PTPRT: variants seen among roughly 807,000 people sequenced by gnomAD.
PTPRT encodes the protein receptor-type tyrosine-protein phosphatase T.
PTPRT carries 56 observed loss-of-function variants against 176.8 expected under a neutral mutation model. The observed-to-expected ratio is 0.32, with a 90% confidence interval of 0.26 to 0.40. The LOEUF is 0.40. PTPRT is among the 10% of genes least tolerant of loss of function. The probability of loss-of-function intolerance (pLI) is 1.00; values close to 1 mark genes in which losing one functional copy is unlikely to be tolerated. For missense variants in PTPRT, 1,540 were observed against 1,908.2 expected, an observed-to-expected ratio of 0.81 and a Z score of 3.60; for synonymous variants, 783 against 739.0, an observed-to-expected ratio of 1.06 and a Z score of -0.96.
intron 1 of PTPRT, among the ~76,000 whole-genome samples, chr20:43,066,825 G>A (rs1024459767): frequency 2.6e-5 from 4 of 152,090 alleles, no homozygotes; most frequent in African/African-American, 9.7e-5. Flanking sequence ...CTCTCTTTTC[G>A]TAAATGAGGT....
At chr20:42,069,512 A>T (rs187743744), downstream of PTPRT, among the ~76,000 whole-genome samples, 223 of 152,192 alleles carry the variant, frequency 1.5e-3, 1 homozygote, top group Non-Finnish European at 1.5e-3. Flanking sequence ...GCATCATCTT[A>T]TCTGTTCTGC....
chr20:42,550,683 T>C (rs536653480), intron 7 of PTPRT, among the ~76,000 whole-genome samples: 11 of 152,212 alleles, frequency 7.2e-5, no homozygotes, highest in African/African-American at 1.9e-4. Flanking sequence ...GCATCCTTTA[T>C]AGGTAGATCT....
intron 8 of PTPRT, among the ~76,000 whole-genome samples, chr20:42,467,939 G>T (rs997209028): frequency 1.3e-5 from 2 of 152,162 alleles, no homozygotes; most frequent in African/African-American, 4.8e-5. Flanking sequence ...ATAAATAGCA[G>T]TCAAAGTGAG....
chr20:42,838,748 CA>C (rs1369275707), intron 2 of PTPRT, among the ~76,000 whole-genome samples: 1 of 152,210 alleles, frequency 6.6e-6, no homozygotes, highest in Admixed American at 6.5e-5. Flanking sequence ...GCAGGGAATC[CA>C]AATTCCAATA....
chr20:42,888,723 A>G (rs1446302781), intron 1 of PTPRT, among the ~76,000 whole-genome samples: 2 of 152,208 alleles, frequency 1.3e-5, no homozygotes, highest in African/African-American at 4.8e-5. Flanking sequence ...CTCTCCATTC[A>G]AATCCATTCC....
At chr20:42,684,545 A>G (rs1368916661) in intron 6 of PTPRT, among the ~76,000 whole-genome samples, 1 of 152,166 alleles carries the variant, frequency 6.6e-6, no homozygotes, top group African/African-American at 2.4e-5. Context: ...TAAGCAAAGG[A>G]TTGGAAGTAT....
intron 1 of PTPRT, among the ~76,000 whole-genome samples, chr20:43,173,976 A>C (rs1222349731): frequency 1.3e-5 from 2 of 152,210 alleles, no homozygotes; most frequent in Non-Finnish European, 2.9e-5. Flanking sequence ...AAAACCAATT[A>C]TCTTATCTGA....
Position 42,731,997 on chromosome 20 carries a change from T to G in PTPRT, c.859+24465A>C, listed in dbSNP as rs6093724. Among the ~76,000 whole-genome samples the G allele has an allele frequency of 8.5e-3, 1,288 of 152,322 alleles. 20 individuals are homozygous for G. The highest frequency in any genetic ancestry group is 0.029 in the African/African-American group (1,225 of 41,558). ...ACCGAAGGGAGCCCCCTACTTACTT[T>G]CTGTCGTGATGCTCTATTTGATCCC... On this transcript the variant is annotated intron_variant, in intron 6 of 30. Transcript: ENST00000373187.
At chr20:42,438,269 C>T (rs981971219) in intron 9 of PTPRT, among the ~76,000 whole-genome samples, 6 of 152,296 alleles carry the variant, frequency 3.9e-5, no homozygotes, top group East Asian at 1.9e-4. Context: ...TCAATTTAAC[C>T]GGGAGACTTT....
At chr20:42,043,702 G>C in the PTPRT span, among the ~76,000 whole-genome samples, 2 of 152,156 alleles carry the variant, frequency 1.3e-5, no homozygotes, top group African/African-American at 4.8e-5. Context: ...AAAATTTCAG[G>C]ATTAATTTGC....
chr20:42,237,789 T>C (rs2056274565), intron 14 of PTPRT, among the ~76,000 whole-genome samples: 2 of 152,242 alleles, frequency 1.3e-5, no homozygotes, highest in Admixed American at 6.5e-5. Flanking sequence ...GATTCAGCTA[T>C]ACTGACAATA....
chr20:42,783,310 G>A (rs537118807), intron 3 of PTPRT, among the ~76,000 whole-genome samples: 1 of 151,964 alleles, frequency 6.6e-6, no homozygotes, highest in Non-Finnish European at 1.5e-5. Context: ...AATAATATTT[G>A]TAATACCTAT....
chr20:42,666,302 A>T (rs1195242719), intron 7 of PTPRT, among the ~76,000 whole-genome samples: 4 of 152,138 alleles, frequency 2.6e-5, no homozygotes, highest in African/African-American at 9.7e-5. Flanking sequence ...GGATATTTGA[A>T]TGCCTATTTA....
chr20:42,963,332 G>A (rs891503237), intron 1 of PTPRT, among the ~76,000 whole-genome samples: 5 of 151,826 alleles, frequency 3.3e-5, no homozygotes, highest in Admixed American at 6.6e-5. Flanking sequence ...AGCCGAGATC[G>A]CACCACTGCA....
intron 1 of PTPRT, among the ~76,000 whole-genome samples, chr20:42,915,257 G>C (rs1978661452): frequency 6.6e-6 from 1 of 152,208 alleles, no homozygotes; most frequent in African/African-American, 2.4e-5. Context: ...TAAAGAGTAT[G>C]TTTGAGGCAC....
chr20:42,799,279 A>G (rs2077496052), intron 2 of PTPRT, among the ~76,000 whole-genome samples: 1 of 152,106 alleles, frequency 6.6e-6, no homozygotes, highest in Non-Finnish European at 1.5e-5. Context: ...GAGGCAAAAG[A>G]TTATGGAGAC....
At chr20:42,666,654 A>AT (rs1467617307) in intron 7 of PTPRT, among the ~76,000 whole-genome samples, 1 of 152,192 alleles carries the variant, frequency 6.6e-6, no homozygotes, top group Non-Finnish European at 1.5e-5. Context: ...ATCCAACAAC[A>AT]TGACATATGG....
At chr20:42,177,879 T>G (rs137917119) in intron 16 of PTPRT, among the ~76,000 whole-genome samples, 1 of 150,572 alleles carries the variant, frequency 6.6e-6, no homozygotes, top group African/African-American at 2.4e-5. Flanking sequence ...CCTTCCTCTC[T>G]CTCTTTTTTC....
intron 1 of PTPRT, among the ~76,000 whole-genome samples, chr20:42,914,043 G>A (rs988362976): frequency 6.6e-6 from 1 of 152,190 alleles, no homozygotes; most frequent in African/African-American, 2.4e-5. Flanking sequence ...CAACACTGGA[G>A]TAGATTTGTG....
Sources: allele counts gnomAD v4.1 joint callset (sites outside exome capture counted in the v4.1 genomes callset), GRCh38; gene constraint gnomAD v4.1.1; transcripts MANE v1.5; gene names NCBI Gene and HGNC (gene_info 2026-07-23, HGNC 2026-07-21).